HCN1: variants seen among roughly 807,000 people sequenced by gnomAD.
The protein encoded by HCN1 is potassium/sodium hyperpolarization-activated cyclic nucleotide-gated channel 1.
A neutral mutation model predicts 78.9 loss-of-function variants in HCN1; 13 were observed. That is an observed-to-expected ratio of 0.16 (90% confidence interval 0.11 to 0.26). HCN1 has a LOEUF of 0.26. Ranked by LOEUF, HCN1 falls within the 10% of genes least tolerant of loss-of-function variation. The pLI, the probability that HCN1 is intolerant of heterozygous loss-of-function variation, is 1.00. For synonymous variants in HCN1, 552 were observed against 455.5 expected, an observed-to-expected ratio of 1.21 and a Z score of -2.70; for missense variants, 810 against 1,154.3, an observed-to-expected ratio of 0.70 and a Z score of 4.32.
chr5:45,324,096 A>C (rs1405684768), intron 5 of HCN1, among the ~76,000 whole-genome samples: 1 of 151,956 alleles, frequency 6.6e-6, no homozygotes, highest in Non-Finnish European at 1.5e-5. Context: ...TGGCTGGGTC[A>C]AATGGTATTT....
intron 5 of HCN1, among the ~76,000 whole-genome samples, chr5:45,344,519 ATTAC>A (rs1176031968): frequency 1.3e-5 from 2 of 152,230 alleles, no homozygotes; most frequent in Non-Finnish European, 2.9e-5. Context: ...TCAAAAGCAC[ATTAC>A]TTACTTCCTA....
In HCN1 at chr5:45,262,234, G is replaced by T. The variant is rs1744760102; in HGVS notation, c.2360C>A (p.Ser787Tyr). The T allele has an allele frequency of 1.2e-6, 2 of 1,614,058 alleles. No homozygotes were observed. The highest frequency in any genetic ancestry group is 1.7e-6 in the Non-Finnish European group (2 of 1,180,036). The part of the protein sequence containing the change: ...TNLTREVRPL[S>Y]ASQPSLPHEV... ...ATGGGGCAGCGAGGGCTGCGAGGCGGAGAGTGGCCTGACTTCCCGGGTCAG... is the reference window on the plus strand; with the variant it reads ...ATGGGGCAGCGAGGGCTGCGAGGCGTAGAGTGGCCTGACTTCCCGGGTCAG... The change falls in exon 8 of 8, where the codon TCC (serine) becomes TAC (tyrosine). Residue 787 changes from serine (S) to tyrosine (Y), a missense_variant. Ser to Tyr is a moderately radical substitution (Grantham distance 144). Transcript: ENST00000303230.
chr5:45,690,155 T>A (rs1223702249), intron 1 of HCN1, among the ~76,000 whole-genome samples: 2 of 152,126 alleles, frequency 1.3e-5, no homozygotes, highest in Non-Finnish European at 2.9e-5. Flanking sequence ...AAATATTTAC[T>A]AACTTTGTAT....
chr5:45,284,790 C>T (rs1745234527), intron 6 of HCN1, among the ~76,000 whole-genome samples: 1 of 152,072 alleles, frequency 6.6e-6, no homozygotes, highest in Non-Finnish European at 1.5e-5. Flanking sequence ...TCAAATCAAA[C>T]TGTTAAGTCT....
intron 3 of HCN1, among the ~76,000 whole-genome samples, chr5:45,424,474 G>GTACC: frequency 6.6e-6 from 1 of 152,004 alleles, no homozygotes; most frequent in Admixed American, 6.6e-5. Flanking sequence ...TTTGAGTCAG[G>GTACC]TTACATATGG....
At chr5:45,373,841 A>T (rs1426895750) in intron 4 of HCN1, among the ~76,000 whole-genome samples, 6 of 132,688 alleles carry the variant, frequency 4.5e-5, no homozygotes, top group Non-Finnish European at 6.3e-5. Flanking sequence ...TCTATAATAT[A>T]TTACATACGG....
chr5:45,286,854 A>G (rs1018938879), intron 6 of HCN1, among the ~76,000 whole-genome samples: 2 of 152,052 alleles, frequency 1.3e-5, no homozygotes, highest in African/African-American at 4.8e-5. Context: ...TTTAATATAC[A>G]CTGAAAAATT....
At chr5:45,372,103 TATATA>T (rs1307342720) in intron 4 of HCN1, among the ~76,000 whole-genome samples, 2 of 63,872 alleles carry the variant, frequency 3.1e-5, no homozygotes, top group Non-Finnish European at 5.1e-5. Context: ...ATATATTTTA[TATATA>T]ATATAATTAT....
chr5:45,656,299 G>A (rs1745763670), intron 1 of HCN1, among the ~76,000 whole-genome samples: 1 of 152,120 alleles, frequency 6.6e-6, no homozygotes, highest in Non-Finnish European at 1.5e-5. Context: ...TTGCCACTAT[G>A]CCTCCAAAGA....
rs997439639 is a variant in HCN1 at position 45,544,456 on chromosome 5, T to A, written c.850-82449A>T. ...AAATGGCATCTTCTGAATTTTTTTT[T>A]AATTATACTTTAAGTTCTAGGGTAC... On this transcript the variant is annotated intron_variant, in intron 2 of 7. Transcript: ENST00000303230. Among the ~76,000 whole-genome samples the A allele has an allele frequency of 1.3e-4, 19 of 151,930 alleles. 1 individual carries two copies. The highest frequency in any genetic ancestry group is 3.4e-4 in the African/African-American group (14 of 41,518).
intron 3 of HCN1, among the ~76,000 whole-genome samples, chr5:45,415,674 A>G (rs1021382732): frequency 6.6e-6 from 1 of 151,964 alleles, no homozygotes; most frequent in Non-Finnish European, 1.5e-5. Flanking sequence ...CATCCCTTCA[A>G]TTCAGCCTTC....
At chr5:45,404,658 AC>A (rs1334703294) in intron 3 of HCN1, among the ~76,000 whole-genome samples, 8 of 138,410 alleles carry the variant, frequency 5.8e-5, no homozygotes, top group Non-Finnish European at 4.6e-5. Context: ...CCATATTGTT[AC>A]TAAATTTAGG....
At chr5:45,448,239 T>C (rs994138751) in intron 3 of HCN1, among the ~76,000 whole-genome samples, 2 of 152,200 alleles carry the variant, frequency 1.3e-5, no homozygotes, top group Non-Finnish European at 2.9e-5. Flanking sequence ...TTCTCTAATA[T>C]ATGACCATCT....
intron 2 of HCN1, among the ~76,000 whole-genome samples, chr5:45,534,014 G>A (rs377429605): frequency 6.6e-6 from 1 of 152,062 alleles, no homozygotes; most frequent in East Asian, 1.9e-4. Flanking sequence ...AAAAGTTTTT[G>A]AGATTTATAA....
chr5:45,400,885 C>T (rs572097248), intron 3 of HCN1, among the ~76,000 whole-genome samples: 3 of 152,076 alleles, frequency 2.0e-5, no homozygotes, highest in Non-Finnish European at 4.4e-5. Flanking sequence ...ATGATTCTGG[C>T]TTTTTTTCCC....
At chr5:45,517,712 T>C (rs745770588) in intron 2 of HCN1, among the ~76,000 whole-genome samples, 11 of 151,910 alleles carry the variant, frequency 7.2e-5, no homozygotes, top group Non-Finnish European at 1.3e-4. Flanking sequence ...CTTCATCTTT[T>C]CTTCTTTTTG....
intron 3 of HCN1, among the ~76,000 whole-genome samples, chr5:45,415,657 C>T (rs1740104035): frequency 6.6e-6 from 1 of 151,998 alleles, no homozygotes; most frequent in African/African-American, 2.4e-5. Flanking sequence ...TCTCAAAGAT[C>T]GACCTTCATC....
chr5:45,480,463 C>G (rs147061956), intron 2 of HCN1, among the ~76,000 whole-genome samples: 9 of 152,182 alleles, frequency 5.9e-5, no homozygotes, highest in Non-Finnish European at 1.0e-4. Flanking sequence ...TAAGTTTGAG[C>G]ATTTGAATGT....
At chr5:45,627,622 C>T (rs1745194437) in intron 2 of HCN1, among the ~76,000 whole-genome samples, 1 of 152,138 alleles carries the variant, frequency 6.6e-6, no homozygotes. Context: ...TAATACCTAT[C>T]ATGTCTACTT....
Sources: allele counts gnomAD v4.1 joint callset (sites outside exome capture counted in the v4.1 genomes callset), GRCh38; gene constraint gnomAD v4.1.1; transcripts MANE v1.5; gene names NCBI Gene and HGNC (gene_info 2026-07-23, HGNC 2026-07-21).